The following SLC12A1 variants were observed in gnomAD, a reference collection of about 807,000 sequenced individuals.
The protein encoded by SLC12A1 is solute carrier family 12 member 1.
Under a neutral mutation model 130.4 loss-of-function variants are expected in SLC12A1, and 89 were observed. The ratio of observed to expected loss-of-function variants is 0.68; its 90% CI spans 0.58 to 0.81. The LOEUF is 0.81. Among genes scored for constraint, SLC12A1 ranks in the 40% least tolerant of loss-of-function variants. The pLI is 0.00. For synonymous variants in SLC12A1, 499 were observed against 460.0 expected (o/e 1.08, Z -1.09); for missense variants, 1,310 against 1,336.4 (o/e 0.98, Z 0.31).
At position 48,302,744 on chromosome 15, in the gene SLC12A1, C is replaced by CA. The variant is rs1309448413; in HGVS notation, c.3165-5dup. 11 of 1,599,960 alleles carry CA rather than the reference C, an allele frequency of 6.9e-6. No individual in the cohort carries two copies. Among genetic ancestry groups the CA allele is most frequent in the African/African-American group, 1.3e-5 (1 of 74,190 alleles). Reference sequence around the variant, plus strand: ...TCATTTTTAAATTTTTCCTTCATGTCATTAGGAGCCTTCCCGTGGCAAGAA... The same window carrying CA: ...TCATTTTTAAATTTTTCCTTCATGTCAATTAGGAGCCTTCCCGTGGCAAGAA... On this transcript the variant is annotated splice_region_variant and splice_polypyrimidine_tract_variant and intron_variant, in intron 26 of 26. Transcript: ENST00000380993.
chr15:48,226,368 C>T (rs1425822869), intron 4 of SLC12A1, 108 bp from the exon 5 acceptor site: 8 of 650,360 alleles, frequency 1.2e-5, no homozygotes, highest in South Asian at 2.2e-5. Context: ...CGTTGGAGCC[C>T]GAGGCATGGA....
At position 48,302,825 on chromosome 15, in the gene SLC12A1, C is replaced by T. The variant is rs1239885878; in HGVS notation, c.3240C>T (p.Asn1080=). 2 of 1,612,668 alleles carry T rather than the reference C, an allele frequency of 1.2e-6. No homozygotes were observed. The highest frequency in any genetic ancestry group is 1.7e-6 in the Non-Finnish European group (2 of 1,178,966). ...CTTGGTTGGAAATCCTCACAAAGAACCTCCCACCTGTCTTACTAGTTAGAG... is the reference window on the plus strand; with the variant it reads ...CTTGGTTGGAAATCCTCACAAAGAATCTCCCACCTGTCTTACTAGTTAGAG... ...YMAWLEILTK[N]LPPVLLVRGN... The change falls in exon 27 of 27, where the codon AAC becomes AAT. Residue 1080 remains asparagine, a synonymous_variant. Coordinates refer to ENST00000380993, the MANE Select transcript of SLC12A1 (RefSeq NM_000338.3).
intron 25 of SLC12A1, among the ~76,000 whole-genome samples, chr15:48,300,337 AAG>A (rs201418943): frequency 6.6e-6 from 1 of 151,900 alleles, no homozygotes; most frequent in South Asian, 2.1e-4. Context: ...AAAAAAAAAA[AAG>A]AGAGAGAGAA....
chr15:48,285,330 T>C, intron 21 of SLC12A1, 81 bp downstream of exon 21: 1 of 1,388,564 alleles, frequency 7.2e-7, no homozygotes, highest in Non-Finnish European at 1.0e-6. Context: ...GAAGTCAGCA[T>C]CTAAGATGTT....
chr15:48,232,941 C>T, intron 8 of SLC12A1, 103 bp downstream of exon 8: 1 of 710,820 alleles, frequency 1.4e-6, no homozygotes, highest in Admixed American at 2.4e-5. Context: ...GCCTGGCTCC[C>T]CTTTCAAGTT....
intron 22 of SLC12A1, 109 bp downstream of exon 22, chr15:48,288,283 T>C: frequency 1.6e-6 from 2 of 1,223,318 alleles, no homozygotes; most frequent in Middle Eastern, 2.1e-4. Flanking sequence ...AACATTTCTG[T>C]GTTCTCCAAA....
chr15:48,250,221 T>G (rs1414596420), intron 14 of SLC12A1, among the ~76,000 whole-genome samples: 2 of 152,208 alleles, frequency 1.3e-5, no homozygotes, highest in Admixed American at 6.5e-5. Flanking sequence ...ACTCCTCACC[T>G]CTTCTTTGCT....
chr15:48,244,550 G>A (rs2041555513), intron 10 of SLC12A1, among the ~76,000 whole-genome samples: 1 of 152,134 alleles, frequency 6.6e-6, no homozygotes, highest in African/African-American at 2.4e-5. Flanking sequence ...AGTCACACAG[G>A]GAGTTGAAAT....
intron 14 of SLC12A1, among the ~76,000 whole-genome samples, chr15:48,250,645 C>T (rs2041636104): frequency 7.2e-6 from 1 of 139,348 alleles, no homozygotes. Flanking sequence ...GAGGAAGACA[C>T]ATGGATACAC....
intron 5 of SLC12A1, 24 bp from the exon 6 acceptor site, chr15:48,229,164 GA>G: frequency 6.4e-7 from 1 of 1,573,596 alleles, no homozygotes; most frequent in Non-Finnish European, 8.6e-7. Flanking sequence ...TCCTCAATGT[GA>G]AGTATGTTCA....
At chr15:48,291,390 G>T (rs535770844) in intron 23 of SLC12A1, among the ~76,000 whole-genome samples, 1 of 151,790 alleles carries the variant, frequency 6.6e-6, no homozygotes, top group East Asian at 1.9e-4. Context: ...TATGATAACT[G>T]TTTGTCAGTA....
At chr15:48,237,929 T>C (rs148899273) in intron 9 of SLC12A1, among the ~76,000 whole-genome samples, 33 of 152,170 alleles carry the variant, frequency 2.2e-4, no homozygotes, top group African/African-American at 7.5e-4. Context: ...AATACCATAA[T>C]AATCTGGACA....
chr15:48,235,465 A>G (rs1436828743), intron 9 of SLC12A1: 3 of 192,752 alleles, frequency 1.6e-5, no homozygotes, highest in African/African-American at 7.1e-5. Flanking sequence ...GGAATGTTAT[A>G]AAAGACCAGC....
At chr15:48,216,875 G>C (rs1319251431) in intron 2 of SLC12A1, among the ~76,000 whole-genome samples, 1 of 152,106 alleles carries the variant, frequency 6.6e-6, no homozygotes, top group Non-Finnish European at 1.5e-5. Flanking sequence ...ATTTTTAATG[G>C]ACTGGAAAAC....
chr15:48,242,756 C>G (rs2041532095), intron 10 of SLC12A1, among the ~76,000 whole-genome samples: 5 of 152,148 alleles, frequency 3.3e-5, no homozygotes, highest in Admixed American at 2.6e-4. Flanking sequence ...GAGCTGTGAT[C>G]ACAGCACTGC....
Position 48,257,418 on chromosome 15 carries a change from T to C in SLC12A1, c.2042+1508T>C, listed in dbSNP as rs151038515. On this transcript the variant is annotated intron_variant, in intron 16 of 26. Coordinates refer to ENST00000380993, the MANE Select transcript of SLC12A1 (RefSeq NM_000338.3). Reference sequence around the variant, plus strand: ...GTCTGGGGGCTCCGACCCCACATTTTCCTTCTGCACTACCCTAGCAGAGGT... The same window carrying C: ...GTCTGGGGGCTCCGACCCCACATTTCCCTTCTGCACTACCCTAGCAGAGGT... Among the ~76,000 whole-genome samples, 738 of 152,290 alleles carry C rather than the reference T, an allele frequency of 4.8e-3. 8 individuals are homozygous for C. Among genetic ancestry groups the C allele is most frequent in the Middle Eastern group, 0.044 (13 of 294 alleles).
intron 11 of SLC12A1, among the ~76,000 whole-genome samples, chr15:48,245,524 G>A (rs2041567792): frequency 6.6e-6 from 1 of 152,158 alleles, no homozygotes. Flanking sequence ...TGTGGTATTT[G>A]GTTTTCCGTT....
chr15:48,215,979 T>A (rs1216780564), intron 2 of SLC12A1, among the ~76,000 whole-genome samples: 1 of 152,176 alleles, frequency 6.6e-6, no homozygotes, highest in African/African-American at 2.4e-5. Context: ...TACATGAGAG[T>A]AAGCAATGGA....
At chr15:48,254,312 A>G (rs186769758) in intron 15 of SLC12A1, among the ~76,000 whole-genome samples, 206 of 152,200 alleles carry the variant, frequency 1.4e-3, no homozygotes, top group African/African-American at 4.8e-3. Flanking sequence ...GGTATTGTTC[A>G]AGGTTCACTT....
Sources: gnomAD v4.1 joint callset for allele counts (sites outside exome capture counted in the v4.1 genomes callset) on GRCh38, gnomAD v4.1.1 for gene constraint, MANE v1.5 for transcripts, NCBI Gene and HGNC (gene_info 2026-07-23, HGNC 2026-07-21) for gene names.